SPACA1: variants seen among roughly 807,000 people sequenced by gnomAD.
SPACA1 encodes sperm acrosome associated 1, also known as sperm acrosome membrane-associated protein 1.
A neutral mutation model predicts 32.6 loss-of-function variants in SPACA1; 17 were observed. That is an observed-to-expected ratio of 0.52 (90% CI 0.36 to 0.78). SPACA1 has a LOEUF of 0.78. Ranked by LOEUF, SPACA1 falls within the 30% of genes least tolerant of loss-of-function variation. The probability of loss-of-function intolerance (pLI) is 0.01; values close to 1 mark genes in which losing one functional copy is unlikely to be tolerated. For missense variants in SPACA1, 363 were observed against 373.4 expected (o/e 0.97, Z 0.23); for synonymous variants, 140 against 138.1 (o/e 1.01, Z -0.10).
intron 1 of SPACA1, among the ~76,000 whole-genome samples, chr6:88,051,935 C>A (rs142040467): frequency 6.6e-6 from 1 of 152,350 alleles, no homozygotes; most frequent in African/African-American, 2.4e-5. Flanking sequence ...CACATCACTC[C>A]TACCATGTTG....
At chr6:88,056,759 G>A (rs1228899207) in intron 2 of SPACA1, among the ~76,000 whole-genome samples, 1 of 152,114 alleles carries the variant, frequency 6.6e-6, no homozygotes, top group South Asian at 2.1e-4. Flanking sequence ...GTCTTAACAT[G>A]GGACACGGTT....
At chr6:88,054,413 C>T (rs532528923) in intron 2 of SPACA1, among the ~76,000 whole-genome samples, 4 of 152,098 alleles carry the variant, frequency 2.6e-5, no homozygotes, top group East Asian at 3.9e-4. Context: ...CTCCAATTTG[C>T]GTGTCATGTT....
intron 1 of SPACA1, among the ~76,000 whole-genome samples, chr6:88,050,481 A>G (rs749139687): frequency 3.9e-5 from 6 of 152,214 alleles, no homozygotes; most frequent in Non-Finnish European, 8.8e-5. Context: ...TTCGTTCAAT[A>G]ATTGTGAAAT....
At chr6:88,053,418 A>G (rs1239951636) in intron 1 of SPACA1, among the ~76,000 whole-genome samples, 1 of 152,236 alleles carries the variant, frequency 6.6e-6, no homozygotes, top group Admixed American at 6.5e-5. Flanking sequence ...ATATATTCCT[A>G]TACTAACCTT....
intron 5 of SPACA1, among the ~76,000 whole-genome samples, chr6:88,061,998 A>T (rs1459941177): frequency 2.6e-5 from 4 of 152,230 alleles, no homozygotes; most frequent in African/African-American, 7.2e-5. Flanking sequence ...TGAAATTTGC[A>T]TTTCTCCTTG....
intron 2 of SPACA1, among the ~76,000 whole-genome samples, chr6:88,056,171 T>C (rs1005825567): frequency 6.6e-6 from 1 of 152,018 alleles, no homozygotes; most frequent in African/African-American, 2.4e-5. Context: ...CTGACCACCA[T>C]GGTGAAACCC....
intron 2 of SPACA1, among the ~76,000 whole-genome samples, chr6:88,055,514 C>T (rs1257764527): frequency 5.3e-5 from 8 of 152,144 alleles, no homozygotes; most frequent in Non-Finnish European, 1.2e-4. Context: ...GAGAAAAATG[C>T]CTTGATGAAA....
intron 1 of SPACA1, 106 bp downstream of exon 1, chr6:88,048,219 G>GCT: frequency 2.5e-6 from 3 of 1,194,918 alleles, no homozygotes; most frequent in Non-Finnish European, 3.5e-6. Flanking sequence ...CGTCAGGAGA[G>GCT]CTCTCTCTCA....
chr6:88,063,938 A>G, intron 5 of SPACA1, 161 bp from the exon 6 acceptor site: 1 of 679,288 alleles, frequency 1.5e-6, no homozygotes, highest in Non-Finnish European at 2.2e-6. Flanking sequence ...ATGTTTGAAA[A>G]GGACATTTCA....
intron 5 of SPACA1, among the ~76,000 whole-genome samples, chr6:88,060,121 A>G (rs1026326338): frequency 3.3e-5 from 5 of 152,248 alleles, no homozygotes; most frequent in Admixed American, 2.6e-4. Context: ...AAAAATGTAT[A>G]TATCACAAAA....
chr6:88,053,778 T>C (rs963885870), intron 1 of SPACA1, among the ~76,000 whole-genome samples, 168 bp from the exon 2 acceptor site: 27 of 152,228 alleles, frequency 1.8e-4, no homozygotes, highest in Admixed American at 1.5e-3. Flanking sequence ...TCTTTTGAGT[T>C]AGACAATAAC....
chr6:88,063,833 T>C (rs1775934230), intron 5 of SPACA1, among the ~76,000 whole-genome samples: 1 of 152,310 alleles, frequency 6.6e-6, no homozygotes, highest in Non-Finnish European at 1.5e-5. Flanking sequence ...AATGAATTGA[T>C]AGAGGAATGG....
At chr6:88,065,980 A>ATATACCTGTAATATG (rs1423957076) in intron 6 of SPACA1, among the ~76,000 whole-genome samples, 1 of 151,938 alleles carries the variant, frequency 6.6e-6, no homozygotes, top group Non-Finnish European at 1.5e-5. Context: ...CCTGTAATAT[A>ATATACCTGTAATATG]TATACAGGTA....
At chr6:88,057,786 T>C (rs1775832720) in intron 3 of SPACA1, 73 bp downstream of exon 3, 2 of 1,331,518 alleles carry the variant, frequency 1.5e-6, no homozygotes, top group Non-Finnish European at 2.2e-6. Context: ...TCACCTCAGG[T>C]TGCCACTGAG....
chr6:88,064,476 C>T (rs752741158), intron 6 of SPACA1: 6 of 219,638 alleles, frequency 2.7e-5, no homozygotes, highest in South Asian at 1.4e-4. Flanking sequence ...CAATTTTACA[C>T]GGTAATTGCT....
At chr6:88,062,526 A>G (rs1775912119) in intron 5 of SPACA1, among the ~76,000 whole-genome samples, 1 of 152,198 alleles carries the variant, frequency 6.6e-6, no homozygotes, top group South Asian at 2.1e-4. Context: ...GTAATATTCT[A>G]TGTTAATTGG....
chr6:88,062,135 A>T (rs1438689806), intron 5 of SPACA1, among the ~76,000 whole-genome samples: 5 of 152,222 alleles, frequency 3.3e-5, no homozygotes, highest in Non-Finnish European at 7.3e-5. Context: ...GTAAATATAG[A>T]TGTATTTTCT....
At chr6:88,058,661 T>C in intron 3 of SPACA1, 55 bp from the exon 4 acceptor site, 1 of 1,260,338 alleles carries the variant, frequency 7.9e-7, no homozygotes, top group Non-Finnish European at 1.1e-6. Flanking sequence ...AGTAATTTCG[T>C]GTATAAAGCA....
rs776492466 is a variant in SPACA1 at position 88,057,728 on chromosome 6, G to T, written c.367+15G>T. 7 of 1,602,856 alleles carry T rather than the reference G, an allele frequency of 4.4e-6. No homozygotes were observed. The South Asian group carries it at 7.7e-5, about 18-fold the overall frequency. ...AGATTGTGGCTGTGAGTTGAATTAT[G>T]TATTGGAGGGAGACTGTGGGCAAGA... On this transcript the variant is annotated intron_variant, in intron 3 of 6. Coordinates refer to ENST00000237201, the MANE Select transcript of SPACA1 (RefSeq NM_030960.3).
Sources: gnomAD v4.1 joint callset for allele counts (sites outside exome capture counted in the v4.1 genomes callset) on GRCh38, gnomAD v4.1.1 for gene constraint, MANE v1.5 for transcripts, NCBI Gene and HGNC (gene_info 2026-07-23, HGNC 2026-07-21) for gene names.